RAPH1: variants seen among roughly 807,000 people sequenced by gnomAD.
RAPH1 encodes the protein ras-associated and pleckstrin homology domains-containing protein 1.
In RAPH1, 18 loss-of-function variants were observed where a neutral mutation model predicts 88.1. The ratio of observed to expected loss-of-function variants is 0.20; its 90% CI spans 0.14 to 0.30. The LOEUF (loss-of-function observed/expected upper bound fraction) is 0.30, where lower values mean the gene tolerates loss of function less well. Ranked by LOEUF, RAPH1 falls within the 10% of genes least tolerant of loss-of-function variation. The pLI is 1.00. For missense variants in RAPH1, 1,448 were observed against 1,543.2 expected (o/e 0.94, Z 1.03); for synonymous variants, 587 against 559.0 (o/e 1.05, Z -0.71).
In RAPH1 at chr2:203,433,988, A is replaced by C. The variant is rs1334544475; in HGVS notation, c.*5449T>G. ...GGAAAATAACTTAATCCAGCAGAAC[A>C]AAAACATCCTCAGAAAAACATCCTC... On this transcript the variant is annotated 3_prime_UTR_variant, in exon 14 of 14. Coordinates refer to ENST00000319170, the MANE Select transcript of RAPH1 (RefSeq NM_213589.3). The C allele has an allele frequency of 6.6e-6, 1 of 152,322 alleles. No homozygotes were observed. The highest frequency in any genetic ancestry group is 1.9e-4 in the East Asian group (1 of 5,194). The allele number at this position is 152,322 out of a possible 1,614,324, so 9.4% of individuals were successfully genotyped here. A position where few individuals can be genotyped will look rare whatever the true frequency, so the allele number is the denominator to read the frequency against.
At chr2:203,450,058 A>G (rs962820862) in intron 10 of RAPH1, among the ~76,000 whole-genome samples, 2 of 151,940 alleles carry the variant, frequency 1.3e-5, no homozygotes, top group African/African-American at 2.4e-5. Flanking sequence ...AAAGAAAAAA[A>G]GCTTTAAAAG....
At chr2:203,489,109 G>A (rs1688124104) in intron 4 of RAPH1, among the ~76,000 whole-genome samples, 1 of 149,510 alleles carries the variant, frequency 6.7e-6, no homozygotes, top group Middle Eastern at 3.5e-3. Flanking sequence ...CTGGGCATGA[G>A]TTGTACAAGA....
At chr2:203,519,330 G>T (rs1372443865) in intron 1 of RAPH1, among the ~76,000 whole-genome samples, 2 of 152,106 alleles carry the variant, frequency 1.3e-5, no homozygotes, top group Non-Finnish European at 2.9e-5. Context: ...AGTATGCAAG[G>T]CTAGCTTAAC....
intron 10 of RAPH1, among the ~76,000 whole-genome samples, chr2:203,451,109 A>G (rs2098514514): frequency 6.6e-6 from 1 of 152,104 alleles, no homozygotes; most frequent in Non-Finnish European, 1.5e-5. Flanking sequence ...CCTCTCACAT[A>G]ATAAAGGCAT....
intron 1 of RAPH1, among the ~76,000 whole-genome samples, chr2:203,529,924 CCCTG>C (rs1690315237): frequency 6.6e-6 from 1 of 152,148 alleles, no homozygotes; most frequent in Admixed American, 6.5e-5. Context: ...TCTTTGTGGT[CCCTG>C]CGTCTTCAGT....
chr2:203,504,157 A>G (rs1034253445), intron 1 of RAPH1, among the ~76,000 whole-genome samples: 3 of 152,186 alleles, frequency 2.0e-5, no homozygotes, highest in African/African-American at 7.2e-5. Context: ...TCCACTAGGC[A>G]GTGCCCCAGT....
intron 12 of RAPH1, chr2:203,446,611 T>C (rs2098509905): frequency 6.6e-6 from 1 of 152,218 alleles, no homozygotes; most frequent in African/African-American, 2.4e-5. Context: ...TTTACATCAG[T>C]ATAAACTCAT....
At chr2:203,464,463 G>T (rs1025894827) in intron 4 of RAPH1, among the ~76,000 whole-genome samples, 1 of 152,154 alleles carries the variant, frequency 6.6e-6, no homozygotes, top group African/African-American at 2.4e-5. Context: ...AAGAGACAGG[G>T]TTTCGCCATG....
At chr2:203,517,322 A>G (rs1408742670) in intron 1 of RAPH1, among the ~76,000 whole-genome samples, 1 of 145,302 alleles carries the variant, frequency 6.9e-6, no homozygotes, top group Non-Finnish European at 1.5e-5. Flanking sequence ...TCCTGAATGC[A>G]TATGTGCCTA....
intron 10 of RAPH1, among the ~76,000 whole-genome samples, chr2:203,451,412 T>C (rs747678552): frequency 6.6e-6 from 1 of 152,194 alleles, no homozygotes; most frequent in Non-Finnish European, 1.5e-5. Context: ...TTTGAACCCA[T>C]GCAATCTCAT....
At chr2:203,498,710 C>T (rs1258223898) in intron 1 of RAPH1, among the ~76,000 whole-genome samples, 2 of 151,554 alleles carry the variant, frequency 1.3e-5, no homozygotes, top group African/African-American at 2.4e-5. Context: ...GTGTAACTGC[C>T]CATAAAAAAA....
At chr2:203,445,037 G>A (rs781677577) in intron 12 of RAPH1, 27 bp from the exon 13 acceptor site, 16 of 1,599,536 alleles carry the variant, frequency 1.0e-5, no homozygotes, top group Admixed American at 1.7e-5. Flanking sequence ...TTTAAACATA[G>A]GTTTAAAAGA....
In RAPH1 at chr2:203,440,612, A is replaced by G; in HGVS notation, c.2578T>C (p.Ser860Pro). The change falls in exon 14 of 14, where the codon TCG (serine) becomes CCG (proline). Residue 860 changes from serine to proline, a missense_variant. Ser to Pro is a moderately conservative substitution (Grantham distance 74). This residue lies in a region of RAPH1 where 935 missense variants were observed against 890.1 expected (regional missense o/e 1.05). Transcript: ENST00000319170. ...TGGCTGGCTATCTGCTTCACGACCG[A>G]GGGCACCGGTGACAGTGGAGAGGGA... ...PPPSPLSPVPSVVKQIASQFP... is the reference protein window; with the variant it reads ...PPPSPLSPVPPVVKQIASQFP... The G allele has an allele frequency of 6.6e-7, 1 of 1,522,406 alleles. No individual in the cohort carries two copies. The highest frequency in any genetic ancestry group is 1.3e-5 in the South Asian group (1 of 79,502). The allele number at this position is 1,522,406 out of a possible 1,614,324, so 94.3% of individuals were successfully genotyped here.
chr2:203,439,569 A>G lies in RAPH1; in HGVS notation c.3621T>C (p.Pro1207=). ...MDDMALPPPP[P]ELLSDQQKAG... ...CCTTCTGTTGATCAGACAGCAGTTC[A>G]GGGGGTGGTGGAGGCAATGCCATAT... The change falls in exon 14 of 14, where the codon CCT becomes CCC. Residue 1207 remains proline (P), a synonymous_variant. Transcript: ENST00000319170. The G allele has an allele frequency of 1.2e-6, 2 of 1,614,130 alleles. No homozygotes were observed. The highest frequency in any genetic ancestry group is 1.7e-6 in the Non-Finnish European group (2 of 1,180,018).
At chr2:203,530,054 A>G (rs1250014643) in intron 1 of RAPH1, among the ~76,000 whole-genome samples, 1 of 152,200 alleles carries the variant, frequency 6.6e-6, no homozygotes, top group Non-Finnish European at 1.5e-5. Context: ...TAGAGCAGAA[A>G]AACAGTATGC....
chr2:203,495,080 A>G (rs1283347302), intron 2 of RAPH1, 154 bp downstream of exon 2: 1 of 747,916 alleles, frequency 1.3e-6, no homozygotes, highest in East Asian at 2.6e-5. Context: ...CTTCTGTTCT[A>G]GAATGACTTC....
In RAPH1 at chr2:203,434,339, ACT is replaced by A. The variant is rs2098496548; in HGVS notation, c.*5096_*5097del. ...AGCCTACAAGTTGGTGTGAGCCTTG[ACT>A]CTTGTTTTTTAAAGAACTGAGGGAG... On this transcript the variant is annotated 3_prime_UTR_variant, in exon 14 of 14. Transcript: ENST00000319170. 6.6e-6 allele frequency: 1 copy of A among 152,470 alleles called. No individual in the cohort carries two copies. The highest frequency in any genetic ancestry group is 2.4e-5 in the African/African-American group (1 of 41,396). 9.4% of individuals were successfully genotyped at this position (152,470 alleles called of 1,614,324 possible).
At position 203,439,867 on chromosome 2, in the gene RAPH1, G is replaced by C. The variant is rs142220706; in HGVS notation, c.3323C>G (p.Pro1108Arg). 8 of 1,613,884 alleles carry C rather than the reference G, an allele frequency of 5.0e-6. No individual in the cohort carries two copies. The African/African-American group carries it at 9.4e-5, about 19-fold the overall frequency. ...SPKVAVVNPQPQQWSKMSVKK... is the reference protein window; with the variant it reads ...SPKVAVVNPQRQQWSKMSVKK... ...CACTGACATTTTAGACCATTGTTGT[G>C]GTTGAGGATTAACGACTGCCACTTT... The change falls in exon 14 of 14, where the codon CCA becomes CGA. Residue 1108 changes from proline (P) to arginine (R), a missense_variant. Physicochemically the swap from Pro to Arg is moderately radical, Grantham distance 103 (BLOSUM62 -2). Transcript: ENST00000319170.
At chr2:203,495,617 A>C (rs1177224897) in intron 1 of RAPH1, among the ~76,000 whole-genome samples, 6 of 152,136 alleles carry the variant, frequency 3.9e-5, no homozygotes, top group African/African-American at 1.4e-4. Context: ...CGCATTACTA[A>C]AAAAATTAAC....
Sources: allele counts gnomAD v4.1 joint callset (sites outside exome capture counted in the v4.1 genomes callset), GRCh38; gene constraint gnomAD v4.1.1; regional missense constraint gnomAD v4.1.1; transcripts MANE v1.5; gene names NCBI Gene and HGNC (gene_info 2026-07-23, HGNC 2026-07-21).